TSPAN14: variants seen among roughly 807,000 people sequenced by gnomAD.
The protein encoded by TSPAN14 is tetraspanin 14, also known as tetraspanin-14.
A neutral mutation model predicts 36.6 loss-of-function variants in TSPAN14; 16 were observed. That is an observed-to-expected ratio of 0.44 (90% CI 0.30 to 0.66). The LOEUF is 0.66. TSPAN14 is among the 30% of genes least tolerant of loss of function. The pLI is 0.12. For missense variants in TSPAN14, 231 were observed against 355.1 expected (o/e 0.65, Z 2.81); for synonymous variants, 139 against 143.8 (o/e 0.97, Z 0.24).
intron 1 of TSPAN14, chr10:80,485,582 A>G (rs902655021): frequency 2.1e-6 from 2 of 966,058 alleles, no homozygotes; most frequent in Non-Finnish European, 2.5e-6. Flanking sequence ...AGTCCTAATG[A>G]GTCTCCCATT....
chr10:80,499,705 G>A (rs989199575), intron 2 of TSPAN14, among the ~76,000 whole-genome samples: 1 of 152,210 alleles, frequency 6.6e-6, no homozygotes, highest in Non-Finnish European at 1.5e-5. Flanking sequence ...GAGGGTAATT[G>A]AGCCAGAGTT....
At chr10:80,489,401 A>G (rs1320391308) in intron 2 of TSPAN14, 87 bp downstream of exon 2, 3 of 962,362 alleles carry the variant, frequency 3.1e-6, no homozygotes, top group Non-Finnish European at 4.9e-6. Context: ...TTTGCCAGAC[A>G]CTATGTAAGG....
At chr10:80,475,676 C>T (rs1437838666) in intron 1 of TSPAN14, among the ~76,000 whole-genome samples, 1 of 152,156 alleles carries the variant, frequency 6.6e-6, no homozygotes, top group Non-Finnish European at 1.5e-5. Context: ...CAACTTCCGC[C>T]TCCTGGGTTC....
chr10:80,518,145 C>A, exon 9 of TSPAN14: 1 of 705,620 alleles, frequency 1.4e-6, no homozygotes, highest in Non-Finnish European at 2.4e-6. Flanking sequence ...TGCTGAAGAC[C>A]AAGGGTCCCC....
chr10:80,484,253 AG>A (rs1314711701), intron 1 of TSPAN14, among the ~76,000 whole-genome samples: 10 of 151,930 alleles, frequency 6.6e-5, no homozygotes, highest in African/African-American at 2.4e-4. Flanking sequence ...AAAAAAAAAA[AG>A]TGTAAAATAG....
At chr10:80,482,522 A>G (rs1847336804) in intron 1 of TSPAN14, among the ~76,000 whole-genome samples, 2 of 150,666 alleles carry the variant, frequency 1.3e-5, no homozygotes, top group Non-Finnish European at 1.5e-5. Context: ...TCCTGACCTC[A>G]AGTGATCCAC....
chr10:80,517,974 T>G, exon 9 of TSPAN14: 1 of 1,558,274 alleles, frequency 6.4e-7, no homozygotes, highest in East Asian at 2.4e-5. Context: ...CCATCACTTC[T>G]GAGGAGCAGA....
chr10:80,510,481 C>T (rs1209639805), intron 5 of TSPAN14, among the ~76,000 whole-genome samples: 1 of 152,168 alleles, frequency 6.6e-6, no homozygotes, highest in South Asian at 2.1e-4. Context: ...TTCATTTTCA[C>T]GTAGCCTTGG....
chr10:80,506,923 C>T (rs1840335834), intron 3 of TSPAN14, among the ~76,000 whole-genome samples: 1 of 152,226 alleles, frequency 6.6e-6, no homozygotes. Context: ...CACAGGGCCC[C>T]GTTTCCCTCC....
chr10:80,521,038 C>G (rs1246811252), exon 9 of TSPAN14: 1 of 328,762 alleles, frequency 3.0e-6, no homozygotes, highest in Non-Finnish European at 6.0e-6. Flanking sequence ...ACTGGGTTTC[C>G]CCATGAATAA....
At chr10:80,495,931 C>A (rs530297105) in intron 2 of TSPAN14, among the ~76,000 whole-genome samples, 1 of 152,292 alleles carries the variant, frequency 6.6e-6, no homozygotes, top group South Asian at 2.1e-4. Context: ...GCCTGCCCCA[C>A]CCTACCCCTT....
In TSPAN14 at chr10:80,509,340, G is replaced by T; in HGVS notation, c.319G>T (p.Ala107Ser). ...CGTGCTCATCTTCTTCCTGGAGCTG[G>T]CTGTGGCCGTGCTGGCCTTCCTGTT... The change falls in exon 5 of 9, where the codon GCT becomes TCT. Residue 107 changes from alanine (A) to serine (S), a missense_variant. By Grantham distance (99) the Ala-to-Ser change is moderately conservative (BLOSUM62 1). Coordinates refer to ENST00000429989, the Ensembl canonical transcript of TSPAN14. This position sits in a 1 kb window ranked among gnomAD's most constrained non-coding sequence, Gnocchi z 4.7. The T allele has an allele frequency of 6.2e-7, 1 of 1,614,096 alleles. No individual in the cohort carries two copies. The highest frequency in any genetic ancestry group is 8.5e-7 in the Non-Finnish European group (1 of 1,180,004).
intron 3 of TSPAN14, among the ~76,000 whole-genome samples, chr10:80,506,892 G>A (rs1840333751): frequency 6.6e-6 from 1 of 152,242 alleles, no homozygotes; most frequent in Non-Finnish European, 1.5e-5. Flanking sequence ...AGCCACCTGG[G>A]TGACCAGTTT....
At chr10:80,517,554 C>T (rs74143163) in intron 8 of TSPAN14, among the ~76,000 whole-genome samples, 4,524 of 152,336 alleles carry the variant, frequency 0.03, 218 homozygotes, top group African/African-American at 0.1. Flanking sequence ...AACCAGTCAG[C>T]GTGACCCTGT....
At chr10:80,463,848 A>G (rs1408837621) in intron 1 of TSPAN14, among the ~76,000 whole-genome samples, 1 of 152,248 alleles carries the variant, frequency 6.6e-6, no homozygotes, top group Non-Finnish European at 1.5e-5. Context: ...TTGGCCTTCT[A>G]CAGAGACAAG....
At chr10:80,488,539 G>A (rs2132011292) in intron 1 of TSPAN14, among the ~76,000 whole-genome samples, 1 of 151,944 alleles carries the variant, frequency 6.6e-6, no homozygotes, top group Non-Finnish European at 1.5e-5. Flanking sequence ...TGGGGGGCGA[G>A]TGACAGGGGA....
intron 1 of TSPAN14, among the ~76,000 whole-genome samples, chr10:80,481,229 A>G (rs1847256012): frequency 1.3e-5 from 2 of 152,234 alleles, no homozygotes. Context: ...GTGTATCCCA[A>G]AAGATGTAAA....
chr10:80,468,657 C>G (rs938107037), intron 1 of TSPAN14: 1 of 152,006 alleles, frequency 6.6e-6, no homozygotes, highest in Non-Finnish European at 1.5e-5. Flanking sequence ...CCATCCAGAT[C>G]AGCTGAATCA....
chr10:80,516,008 G>A (rs187986238), intron 7 of TSPAN14, 196 bp from the exon 8 acceptor site: 11 of 711,448 alleles, frequency 1.5e-5, no homozygotes, highest in African/African-American at 5.4e-5. Flanking sequence ...GACAGGTGGT[G>A]CGATGGCACA....
Sources: gnomAD v4.1 joint callset for allele counts (sites outside exome capture counted in the v4.1 genomes callset) on GRCh38, gnomAD v4.1.1 for gene constraint, Gnocchi (gnomAD v3.1) non-coding constraint, MANE v1.5 for transcripts, NCBI Gene and HGNC (gene_info 2026-07-23, HGNC 2026-07-21) for gene names.